Variants in CSMD1 observed in about 807,000 individuals in gnomAD.
CSMD1 encodes CUB and sushi domain-containing protein 1.
In CSMD1, 213 loss-of-function variants were observed where a neutral mutation model predicts 417.5. The ratio of observed to expected loss-of-function variants is 0.51; its 90% CI spans 0.46 to 0.57. The LOEUF is 0.57. CSMD1 is among the 20% of genes least tolerant of loss of function. The pLI is 0.00. For synonymous variants in CSMD1, 2,862 were observed against 1,736.8 expected (o/e 1.65, Z -16.11); for missense variants, 6,923 against 4,529.7 (o/e 1.53, Z -15.17).
intron 23 of CSMD1, among the ~76,000 whole-genome samples, chr8:3,310,932 C>G (rs4875591): frequency 0.12 from 18,096 of 152,212 alleles, 1,357 homozygotes; most frequent in Admixed American, 0.18. Flanking sequence ...CGTAATGCTT[C>G]TAAACTGAGC....
chr8:3,312,928 A>G (rs1438299287), intron 23 of CSMD1, among the ~76,000 whole-genome samples: 3 of 152,200 alleles, frequency 2.0e-5, no homozygotes, highest in Non-Finnish European at 1.5e-5. Flanking sequence ...GTACATTTCA[A>G]TTGAGCTTTA....
At chr8:3,376,751 C>A (rs181148706) in intron 18 of CSMD1, among the ~76,000 whole-genome samples, 37 of 151,904 alleles carry the variant, frequency 2.4e-4, no homozygotes, top group African/African-American at 6.3e-4. Context: ...AGCACAGACA[C>A]TGAGTTTATC....
intron 49 of CSMD1, among the ~76,000 whole-genome samples, chr8:3,072,376 C>T (rs1813379991): frequency 6.6e-6 from 1 of 152,162 alleles, no homozygotes; most frequent in Non-Finnish European, 1.5e-5. Context: ...AATTATCACC[C>T]TCTAAAAAAG....
intron 1 of CSMD1, chr8:4,788,720 T>C (rs1030272449): frequency 1.3e-5 from 6 of 469,980 alleles, no homozygotes; most frequent in African/African-American, 9.9e-5. Flanking sequence ...TCAATGCTTC[T>C]CTAGATCCAT....
intron 3 of CSMD1, among the ~76,000 whole-genome samples, chr8:4,311,228 A>T (rs763837188): frequency 2.6e-5 from 4 of 152,214 alleles, no homozygotes; most frequent in African/African-American, 4.8e-5. Flanking sequence ...CGTTCACAAC[A>T]GCAAAGGCAC....
chr8:4,691,555 T>C (rs1806771687), intron 1 of CSMD1, among the ~76,000 whole-genome samples: 1 of 152,206 alleles, frequency 6.6e-6, no homozygotes, highest in African/African-American at 2.4e-5. Flanking sequence ...GCAAATACCA[T>C]TTGTTATGTT....
At chr8:4,147,441 G>T (rs1054798695) in intron 3 of CSMD1, among the ~76,000 whole-genome samples, 2 of 151,946 alleles carry the variant, frequency 1.3e-5, no homozygotes, top group African/African-American at 4.8e-5. Context: ...CTACCTTCTG[G>T]AAAGTCCCAC....
intron 3 of CSMD1, among the ~76,000 whole-genome samples, chr8:4,307,867 G>C (rs924644727): frequency 2.6e-5 from 4 of 152,150 alleles, no homozygotes; most frequent in South Asian, 2.1e-4. Flanking sequence ...TCTTCACTGA[G>C]CAAGAAGTGT....
intron 2 of CSMD1, among the ~76,000 whole-genome samples, chr8:4,549,603 G>A (rs990051415): frequency 6.6e-6 from 1 of 152,124 alleles, no homozygotes; most frequent in South Asian, 2.1e-4. Flanking sequence ...ACAAAGACAT[G>A]AATGGCCGGG....
At chr8:3,730,043 T>G (rs559641325) in intron 6 of CSMD1, among the ~76,000 whole-genome samples, 1 of 150,766 alleles carries the variant, frequency 6.6e-6, no homozygotes, top group Admixed American at 6.6e-5. Context: ...TGCAAGTGTT[T>G]CCACAGGTCC....
At chr8:3,044,908 G>A (rs994749101) in intron 50 of CSMD1, among the ~76,000 whole-genome samples, 2 of 152,102 alleles carry the variant, frequency 1.3e-5, no homozygotes, top group African/African-American at 2.4e-5. Flanking sequence ...ATGAGCCCTG[G>A]GGAAATACAT....
At chr8:3,695,398 C>G (rs1800495159) in intron 7 of CSMD1, among the ~76,000 whole-genome samples, 2 of 149,218 alleles carry the variant, frequency 1.3e-5, no homozygotes, top group East Asian at 1.9e-4. Flanking sequence ...TATGCTAAAA[C>G]TCACTTTTAT....
chr8:4,011,090 A>C (rs1816501803), intron 4 of CSMD1, among the ~76,000 whole-genome samples: 1 of 152,136 alleles, frequency 6.6e-6, no homozygotes, highest in Non-Finnish European at 1.5e-5. Context: ...TTTCCATTTC[A>C]CAAAGAAAAT....
chr8:4,985,527 C>G (rs905287075), intron 1 of CSMD1, among the ~76,000 whole-genome samples: 3 of 152,162 alleles, frequency 2.0e-5, no homozygotes, highest in Admixed American at 6.5e-5. Context: ...CTTCCCAATT[C>G]TCTTCCTATC....
chr8:4,272,146 C>G (rs988818923), intron 3 of CSMD1, among the ~76,000 whole-genome samples: 1 of 152,094 alleles, frequency 6.6e-6, no homozygotes, highest in Non-Finnish European at 1.5e-5. Flanking sequence ...TGGAGTCTTA[C>G]TAGATTAATC....
intron 47 of CSMD1, among the ~76,000 whole-genome samples, chr8:3,091,998 A>C (rs1255441070): frequency 6.6e-6 from 1 of 152,226 alleles, no homozygotes; most frequent in East Asian, 1.9e-4. Flanking sequence ...GGAAAATAGA[A>C]ACTTTCATGT....
chr8:4,012,919 C>T (rs1314776025), intron 4 of CSMD1, among the ~76,000 whole-genome samples: 2 of 152,060 alleles, frequency 1.3e-5, no homozygotes, highest in African/African-American at 4.8e-5. Flanking sequence ...TCAGCACCTT[C>T]TTTAAACAGC....
chr8:3,920,329 G>T (rs192700814), intron 5 of CSMD1, among the ~76,000 whole-genome samples: 1 of 151,582 alleles, frequency 6.6e-6, no homozygotes. Context: ...GCCACCGTAC[G>T]TGCCCTATTT....
chr8:3,057,551 C>A lies in CSMD1; in HGVS notation c.7475-4904G>T, dbSNP rs1368291116. Among the ~76,000 whole-genome samples, 3 of 89,946 alleles carry A rather than the reference C, an allele frequency of 3.3e-5. No individual in the cohort carries two copies. In the East Asian group the frequency reaches 7.3e-4, roughly 22 times the overall value. 59.0% of individuals were successfully genotyped at this position (89,946 alleles called of 152,430 possible). A position where few individuals can be genotyped will look rare whatever the true frequency, so the allele number is the denominator to read the frequency against. ...ATGTGTAATTATGTCTTATTTTATACATGATTTTATAGTTATAGTGTTTTC... is the reference window on the plus strand; with the variant it reads ...ATGTGTAATTATGTCTTATTTTATAAATGATTTTATAGTTATAGTGTTTTC... On this transcript the variant is annotated intron_variant, in intron 49 of 69. Transcript: ENST00000635120.
Sources: gnomAD v4.1 joint callset for allele counts (sites outside exome capture counted in the v4.1 genomes callset) on GRCh38, gnomAD v4.1.1 for gene constraint, MANE v1.5 for transcripts, NCBI Gene and HGNC (gene_info 2026-07-23, HGNC 2026-07-21) for gene names.